The following EEIG2 variants were observed in gnomAD, a reference collection of about 807,000 sequenced individuals.
EEIG2 encodes the protein EEIG family member 2.
At chr1:108,639,250 A>G in the EEIG2 span, 1 of 150,268 alleles carries the variant, frequency 6.7e-6, no homozygotes, top group Non-Finnish European at 1.5e-5. Context: ...TTTTTTTTAC[A>G]AAAACTTTTT....
chr1:108,571,592 A>G, the EEIG2 span, among the ~76,000 whole-genome samples: 2 of 152,160 alleles, frequency 1.3e-5, no homozygotes, highest in African/African-American at 2.4e-5. Context: ...GATTACAGGG[A>G]TGAAAGGTAT....
At chr1:108,570,787 G>A in the EEIG2 span, among the ~76,000 whole-genome samples, 1 of 152,068 alleles carries the variant, frequency 6.6e-6, no homozygotes, top group Admixed American at 6.6e-5. Flanking sequence ...TCAGTAATGG[G>A]GTCCAGATTT....
chr1:108,613,395 C>T, the EEIG2 span, among the ~76,000 whole-genome samples: 8 of 152,274 alleles, frequency 5.3e-5, no homozygotes, highest in African/African-American at 1.9e-4. Flanking sequence ...GACCACAGTG[C>T]ATGTCTTCTC....
chr1:108,602,476 C>T, the EEIG2 span, among the ~76,000 whole-genome samples: 1 of 152,196 alleles, frequency 6.6e-6, no homozygotes, highest in East Asian at 1.9e-4. Flanking sequence ...TGTGTCTTCA[C>T]ATAATTTTCC....
At chr1:108,628,581 G>C in the EEIG2 span, 4 of 1,601,248 alleles carry the variant, frequency 2.5e-6, no homozygotes, top group South Asian at 4.6e-5. Context: ...GAAAAACTCA[G>C]CAGGTATCCT....
chr1:108,560,378 A>T, the EEIG2 span: 1 of 1,469,984 alleles, frequency 6.8e-7, no homozygotes, highest in Non-Finnish European at 9.0e-7. Flanking sequence ...GGCCAAGCTG[A>T]GGCGGCGGCG....
the EEIG2 span, chr1:108,627,988 T>G: frequency 3.1e-5 from 18 of 581,492 alleles, no homozygotes; most frequent in South Asian, 1.2e-4. Flanking sequence ...ATTTAAATAC[T>G]TTGTATATCT....
At chr1:108,631,728 T>G in the EEIG2 span, among the ~76,000 whole-genome samples, 1 of 152,128 alleles carries the variant, frequency 6.6e-6, no homozygotes, top group Admixed American at 6.6e-5. Flanking sequence ...ACATATATAT[T>G]TTTTATTCAA....
chr1:108,588,336 G>A, the EEIG2 span, among the ~76,000 whole-genome samples: 2 of 151,978 alleles, frequency 1.3e-5, no homozygotes, highest in African/African-American at 4.8e-5. Context: ...GGTGTGAAAG[G>A]GTTCCCTTTT....
At chr1:108,566,421 A>G in the EEIG2 span, among the ~76,000 whole-genome samples, 3 of 152,126 alleles carry the variant, frequency 2.0e-5, no homozygotes, top group Non-Finnish European at 2.9e-5. Flanking sequence ...AAGATTAGTA[A>G]TCACTAATAA....
At chr1:108,566,481 A>G in the EEIG2 span, among the ~76,000 whole-genome samples, 4 of 152,168 alleles carry the variant, frequency 2.6e-5, no homozygotes, top group African/African-American at 4.8e-5. Context: ...GTCTGACCAT[A>G]TGGCACAGAA....
chr1:108,612,303 G>C, the EEIG2 span: 1 of 1,543,608 alleles, frequency 6.5e-7, no homozygotes, highest in Non-Finnish European at 8.9e-7. Context: ...AAGTAAGCAC[G>C]TTTCAGGATT....
At chr1:108,573,289 A>C in the EEIG2 span, among the ~76,000 whole-genome samples, 1 of 152,244 alleles carries the variant, frequency 6.6e-6, no homozygotes, top group Non-Finnish European at 1.5e-5. Context: ...GTGATAGAGC[A>C]AGTCTAAAAT....
At chr1:108,611,111 A>G in the EEIG2 span, among the ~76,000 whole-genome samples, 1 of 152,182 alleles carries the variant, frequency 6.6e-6, no homozygotes, top group South Asian at 2.1e-4. Flanking sequence ...ATTAAAAGCT[A>G]TTAAAATAAT....
the EEIG2 span, chr1:108,560,706 C>T: frequency 9.7e-7 from 1 of 1,028,890 alleles, no homozygotes; most frequent in Non-Finnish European, 1.4e-6. Flanking sequence ...CTGCAAAGTG[C>T]TTTGCAAATG....
At chr1:108,579,770 T>TGAGAGAGAGAGAGAGAGAGAGAGAGAGA in the EEIG2 span, among the ~76,000 whole-genome samples, 86 of 23,122 alleles carry the variant, frequency 3.7e-3, no homozygotes, top group Middle Eastern at 0.02. Flanking sequence ...TGTGTGTGTG[T>TGAGAGAGAGAGAGAGAGAGAGAGAGAGA]GTGAGAGAGA....
At chr1:108,608,772 G>A in the EEIG2 span, among the ~76,000 whole-genome samples, 1 of 152,238 alleles carries the variant, frequency 6.6e-6, no homozygotes, top group Non-Finnish European at 1.5e-5. Context: ...TGCTATAGCA[G>A]ATTACCATAG....
the EEIG2 span, chr1:108,639,150 T>C: frequency 6.6e-6 from 1 of 152,158 alleles, no homozygotes; most frequent in Non-Finnish European, 1.5e-5. Context: ...TATTCTGTTC[T>C]AATACTTGGA....
the EEIG2 span, among the ~76,000 whole-genome samples, chr1:108,601,985 G>T: frequency 6.6e-6 from 1 of 152,170 alleles, no homozygotes; most frequent in Non-Finnish European, 1.5e-5. Flanking sequence ...GTGTGATAGG[G>T]AAGACAGAGA....
Sources: allele counts gnomAD v4.1 joint callset (sites outside exome capture counted in the v4.1 genomes callset), GRCh38; gene constraint gnomAD v4.1.1; transcripts MANE v1.5; gene names NCBI Gene and HGNC (gene_info 2026-07-23, HGNC 2026-07-21).